Variants in WNK2 observed in about 807,000 individuals in gnomAD.
WNK2 encodes serine/threonine-protein kinase WNK2.
A neutral mutation model predicts 192.1 loss-of-function variants in WNK2; 67 were observed. The observed-to-expected ratio is 0.35, with a 90% CI of 0.29 to 0.43. The LOEUF is 0.43. Ranked by LOEUF, WNK2 falls within the 20% of genes least tolerant of loss-of-function variation. The pLI is 1.00. For synonymous variants in WNK2, 1,439 were observed against 1,393.9 expected (o/e 1.03, Z -0.72); for missense variants, 2,698 against 3,089.7 (o/e 0.87, Z 3.01).
chr9:93,268,175 G>A (rs1845464259), intron 18 of WNK2, 110 bp downstream of exon 18: 1 of 1,449,220 alleles, frequency 6.9e-7, no homozygotes, highest in Non-Finnish European at 9.3e-7. Context: ...GGAAGCATGT[G>A]GTGACCAGGG....
At chr9:93,292,166 T>C (rs1849464296) in intron 21 of WNK2, 142 bp from the exon 22 acceptor site, 3 of 775,744 alleles carry the variant, frequency 3.9e-6, no homozygotes, top group Non-Finnish European at 6.5e-6. Flanking sequence ...CACAGCTGGC[T>C]CCTCCCAGTA....
intron 28 of WNK2, among the ~76,000 whole-genome samples, chr9:93,312,883 T>C (rs1853928528): frequency 6.6e-6 from 1 of 152,198 alleles, no homozygotes; most frequent in Non-Finnish European, 1.5e-5. Context: ...TCTGGCTCTG[T>C]CCACTCTGCC....
intron 2 of WNK2, among the ~76,000 whole-genome samples, chr9:93,212,600 C>T (rs1027993287): frequency 3.3e-5 from 5 of 152,324 alleles, no homozygotes; most frequent in East Asian, 3.9e-4. Flanking sequence ...GTTCAAGGTC[C>T]GGCCGGCCCC....
chr9:93,215,527 A>G (rs1835594518), intron 2 of WNK2, among the ~76,000 whole-genome samples: 1 of 152,040 alleles, frequency 6.6e-6, no homozygotes, highest in South Asian at 2.1e-4. Flanking sequence ...TTTCTTTTTC[A>G]TATGCATTTG....
At position 93,293,096 on chromosome 9, in the gene WNK2, G is replaced by T; in HGVS notation, c.5631G>T (p.Ser1877=). 1 of 1,604,262 alleles carries T rather than the reference G, an allele frequency of 6.2e-7. No individual in the cohort carries two copies. The highest frequency in any genetic ancestry group is 2.2e-5 in the East Asian group (1 of 44,638). ...TISVTSFHSQ[S]SYISSDNDSE... is the part of the protein sequence containing the mutation. ...GCGTGACCTCCTTCCATTCCCAGTCGTCCTACATCAGCAGCGACAATGATT... is the reference window on the plus strand; with the variant it reads ...GCGTGACCTCCTTCCATTCCCAGTCTTCCTACATCAGCAGCGACAATGATT... The change falls in exon 23 of 30, where the codon TCG becomes TCT. Residue 1877 remains serine (S), a synonymous_variant. Coordinates refer to ENST00000427277, the MANE Select transcript of WNK2 (RefSeq NM_006648.4).
At position 93,234,803 on chromosome 9, in the gene WNK2, C is replaced by G; in HGVS notation, c.1076-5C>G. The G allele has an allele frequency of 6.2e-7, 1 of 1,610,524 alleles. No homozygotes were observed. The highest frequency in any genetic ancestry group is 8.5e-7 in the Non-Finnish European group (1 of 1,177,134). ...GACAGCTGCGTCTGTTGCTTCCGGG[C>G]ACAGGTACTCCCGAGTTCATGGCGC... On this transcript the variant is annotated splice_polypyrimidine_tract_variant and splice_region_variant and intron_variant, in intron 4 of 29. Coordinates refer to ENST00000427277, the MANE Select transcript of WNK2 (RefSeq NM_006648.4).
intron 2 of WNK2, 71 bp downstream of exon 2, chr9:93,185,681 T>G: frequency 6.5e-7 from 1 of 1,529,286 alleles, no homozygotes; most frequent in Non-Finnish European, 8.8e-7. Flanking sequence ...GGCCTGTCCT[T>G]GCTCCTGCGC....
chr9:93,240,520 G>A (rs932918887), intron 7 of WNK2, among the ~76,000 whole-genome samples: 2 of 152,126 alleles, frequency 1.3e-5, no homozygotes, highest in African/African-American at 4.8e-5. Context: ...AGTGGGTTGG[G>A]GCTGGCAGCA....
Position 93,308,540 on chromosome 9 carries a change from A to G in WNK2, c.6472A>G (p.Met2158Val), listed in dbSNP as rs777980908. Residue 2158 changes from methionine (M) to valine (V), a missense_variant, in exon 28 of 30, where the codon ATG (methionine) becomes GTG (valine). Physicochemically the swap from Met to Val is conservative, Grantham distance 21. Coordinates refer to ENST00000427277, the MANE Select transcript of WNK2 (RefSeq NM_006648.4). ...QLKQTQKLQD[M>V]EAQAGWAAPG... ...GAAGCAGACCCAGAAGCTGCAAGACATGGAGGCCCAGGCAGGCTGGGCTGC... is the reference window on the plus strand; with the variant it reads ...GAAGCAGACCCAGAAGCTGCAAGACGTGGAGGCCCAGGCAGGCTGGGCTGC... 6.3e-5 allele frequency: 96 copies of G among 1,520,234 alleles called. 2 individuals carry two copies. In the South Asian group the frequency reaches 1.1e-3, roughly 17 times the overall value. The allele number at this position is 1,520,234 out of a possible 1,614,324, so 94.2% of individuals were successfully genotyped here.
At chr9:93,286,310 TA>T (rs1564167823) in intron 19 of WNK2, among the ~76,000 whole-genome samples, 1 of 151,574 alleles carries the variant, frequency 6.6e-6, no homozygotes. Flanking sequence ...AACCACAAAT[TA>T]AAAAGAAAAG....
intron 23 of WNK2, among the ~76,000 whole-genome samples, chr9:93,295,995 T>A: frequency 8.8e-6 from 1 of 114,246 alleles, no homozygotes. Flanking sequence ...CCCTTCACCT[T>A]CCTTCCCTCT....
chr9:93,185,496 T>C lies in WNK2; in HGVS notation c.567T>C (p.Ser189=), dbSNP rs764681707. ...ACGACCTCAAGGCCGTGGCCACCTC[T>C]CTGGACGGCCGCTTCCTCAAGTTCG... ...DEDDLKAVAT[S]LDGRFLKFDI... Residue 189 remains serine, a synonymous_variant, in exon 2 of 30, where the codon TCT becomes TCC. Transcript: ENST00000427277. 5.5e-5 allele frequency: 88 copies of C among 1,612,860 alleles called. 1 individual carries two copies. In the South Asian group the frequency reaches 8.2e-4, roughly 15 times the overall value.
At chr9:93,317,990 C>T (rs1234805294) in intron 29 of WNK2, 2 of 1,612,732 alleles carry the variant, frequency 1.2e-6, no homozygotes, top group Non-Finnish European at 1.7e-6. Context: ...GGCAGCAAGA[C>T]TGCTTCCTTT....
intron 29 of WNK2, chr9:93,319,394 A>G (rs929388262): frequency 1.5e-5 from 15 of 985,312 alleles, no homozygotes; most frequent in Non-Finnish European, 1.8e-5. Context: ...AGAGCAGGGC[A>G]TCTGGCAGGG....
intron 2 of WNK2, among the ~76,000 whole-genome samples, chr9:93,227,162 G>A (rs1837960991): frequency 6.7e-6 from 1 of 150,186 alleles, no homozygotes; most frequent in Admixed American, 6.6e-5. Context: ...TGCCCAGGCT[G>A]GAGTGCAGTG....
At position 93,299,058 on chromosome 9, in the gene WNK2, C is replaced by T; in HGVS notation, c.5924-12C>T. ...CCTCATCGTGCCTGTCGCCTCTTCTCCCCCCGCCCAGGTCACTTGGCTGAC... is the reference window on the plus strand; with the variant it reads ...CCTCATCGTGCCTGTCGCCTCTTCTTCCCCCGCCCAGGTCACTTGGCTGAC... On this transcript the variant is annotated splice_polypyrimidine_tract_variant and intron_variant, in intron 24 of 29. Coordinates refer to ENST00000427277, the MANE Select transcript of WNK2 (RefSeq NM_006648.4). 1 of 1,606,386 alleles carries T rather than the reference C, an allele frequency of 6.2e-7. No individual in the cohort carries two copies. The highest frequency in any genetic ancestry group is 8.5e-7 in the Non-Finnish European group (1 of 1,177,260).
At chr9:93,242,753 C>T (rs774562888) in intron 7 of WNK2, among the ~76,000 whole-genome samples, 4 of 152,286 alleles carry the variant, frequency 2.6e-5, no homozygotes, top group South Asian at 4.1e-4. Context: ...GGGAGTCTCA[C>T]GCACAAATGA....
chr9:93,255,877 C>A (rs1843211462), intron 9 of WNK2, among the ~76,000 whole-genome samples: 1 of 152,242 alleles, frequency 6.6e-6, no homozygotes, highest in African/African-American at 2.4e-5. Context: ...CACTCCGCCG[C>A]TGGAGTGCTC....
chr9:93,256,828 A>C (rs1843379364), intron 10 of WNK2, 120 bp from the exon 11 acceptor site: 1 of 906,698 alleles, frequency 1.1e-6, no homozygotes, highest in Non-Finnish European at 1.6e-6. Context: ...GCATGTGTGA[A>C]TGTGAGCATG....
Sources: gnomAD v4.1 joint callset for allele counts (sites outside exome capture counted in the v4.1 genomes callset) on GRCh38, gnomAD v4.1.1 for gene constraint, MANE v1.5 for transcripts, NCBI Gene and HGNC (gene_info 2026-07-23, HGNC 2026-07-21) for gene names.